QDPR: variants seen among roughly 807,000 people sequenced by gnomAD.
QDPR encodes quinoid dihydropteridine reductase.
In QDPR, 23 loss-of-function variants were observed where a neutral mutation model predicts 31.7. The ratio of observed to expected loss-of-function variants is 0.73; its 90% confidence interval spans 0.52 to 1.03. QDPR has a LOEUF of 1.03. Among genes scored for constraint, QDPR ranks in the 50% least tolerant of loss-of-function variants. The pLI, the probability that QDPR is intolerant of heterozygous loss-of-function variation, is 0.00. For missense variants in QDPR, 324 were observed against 323.8 expected (o/e 1.00, Z 0.00); for synonymous variants, 124 against 124.7 (o/e 0.99, Z 0.03).
At chr4:17,510,742 G>A (rs777585075) in intron 1 of QDPR, among the ~76,000 whole-genome samples, 9 of 152,156 alleles carry the variant, frequency 5.9e-5, no homozygotes, top group Non-Finnish European at 1.2e-4. Flanking sequence ...GATATTGGGG[G>A]CATTAAGAGT....
chr4:17,493,945 G>C (rs1287182823), intron 4 of QDPR, among the ~76,000 whole-genome samples: 1 of 152,124 alleles, frequency 6.6e-6, no homozygotes, highest in Non-Finnish European at 1.5e-5. Flanking sequence ...CGACACACAG[G>C]AATAGAGTAC....
Position 17,492,215 on chromosome 4 carries a change from G to C in QDPR, c.545+17C>G. The C allele has an allele frequency of 6.2e-7, 1 of 1,608,042 alleles. No homozygotes were observed. Among genetic ancestry groups the C allele is most frequent in the Non-Finnish European group, 8.5e-7 (1 of 1,175,200 alleles). On this transcript the variant is annotated intron_variant, in intron 5 of 6. Coordinates refer to ENST00000281243, the MANE Select transcript of QDPR (RefSeq NM_000320.3). ...GGGGCAGAGGTGGGCAGCAGCCAGG[G>C]AACCCCAAGCACTTACGGGAGCACA...
intron 2 of QDPR, among the ~76,000 whole-genome samples, chr4:17,508,231 G>A (rs1718857261): frequency 6.6e-6 from 1 of 152,194 alleles, no homozygotes; most frequent in Non-Finnish European, 1.5e-5. Context: ...GAGGTCAGAA[G>A]TTCGAGACCA....
intron 3 of QDPR, 21 bp from the exon 4 acceptor site, chr4:17,501,880 G>A: frequency 6.2e-7 from 1 of 1,613,864 alleles, no homozygotes; most frequent in Non-Finnish European, 8.5e-7. Flanking sequence ...AAAACATGTG[G>A]GCTCAGCATT....
intron 4 of QDPR, among the ~76,000 whole-genome samples, chr4:17,501,284 A>G (rs1221628965): frequency 6.6e-6 from 1 of 152,120 alleles, no homozygotes; most frequent in Admixed American, 6.5e-5. Context: ...GCCTCCCAAA[A>G]GTGCTGGGAT....
rs372540886 is a variant in QDPR at position 17,492,220 on chromosome 4, C to T, written c.545+12G>A. On this transcript the variant is annotated intron_variant, in intron 5 of 6. Transcript: ENST00000281243. ...AGAGGTGGGCAGCAGCCAGGGAACCCCAAGCACTTACGGGAGCACAGCGAT... is the reference window on the plus strand; with the variant it reads ...AGAGGTGGGCAGCAGCCAGGGAACCTCAAGCACTTACGGGAGCACAGCGAT... The T allele has an allele frequency of 5.1e-4, 819 of 1,611,408 alleles. 1 individual carries two copies. Among genetic ancestry groups the T allele is most frequent in the Non-Finnish European group, 6.6e-4 (773 of 1,178,176 alleles).
intron 4 of QDPR, among the ~76,000 whole-genome samples, chr4:17,495,261 G>C (rs893073180): frequency 6.6e-6 from 1 of 152,168 alleles, no homozygotes; most frequent in Non-Finnish European, 1.5e-5. Flanking sequence ...TGCCTGTAAA[G>C]CCAGAGCCTG....
Position 17,512,011 on chromosome 4 carries a change from A to G in QDPR, c.44T>C (p.Val15Ala), listed in dbSNP as rs750513275. The G allele has an allele frequency of 1.2e-6, 2 of 1,608,106 alleles. No homozygotes were observed. The highest frequency in any genetic ancestry group is 1.1e-5 in the South Asian group (1 of 90,734). The stretch of plus-strand genomic sequence containing the variant: ...ACCCAGAGCGCCCCTGCCGCCGTAC[A>G]CCAGCACCCGGCGCGCCTCGCCTGC... ...AAAGEARRVL[V>A]YGGRGALGSR... Residue 15 changes from valine to alanine, a missense_variant, in exon 1 of 7, where the codon GTG (valine) becomes GCG (alanine). Val to Ala is a moderately conservative substitution (Grantham distance 64). Transcript: ENST00000281243.
At chr4:17,488,743 C>A (rs1161803454) in intron 6 of QDPR, among the ~76,000 whole-genome samples, 1 of 152,212 alleles carries the variant, frequency 6.6e-6, no homozygotes, top group Non-Finnish European at 1.5e-5. Flanking sequence ...CTCCCAGTGC[C>A]AATCTGTAAC....
chr4:17,493,942 C>G (rs565098409), intron 4 of QDPR, among the ~76,000 whole-genome samples: 5 of 152,122 alleles, frequency 3.3e-5, no homozygotes, highest in African/African-American at 7.2e-5. Context: ...TAACGACACA[C>G]AGGAATAGAG....
At chr4:17,507,130 C>A (rs994496292) in intron 2 of QDPR, among the ~76,000 whole-genome samples, 1 of 152,050 alleles carries the variant, frequency 6.6e-6, no homozygotes, top group African/African-American at 2.4e-5. Flanking sequence ...ATTGAGATTA[C>A]CAAGGAAAGT....
At chr4:17,508,916 T>A (rs973379907) in intron 2 of QDPR, among the ~76,000 whole-genome samples, 4 of 152,126 alleles carry the variant, frequency 2.6e-5, no homozygotes, top group Non-Finnish European at 5.9e-5. Flanking sequence ...CCGAGCACTT[T>A]GGGAGGCTAA....
At chr4:17,497,421 C>A (rs984685162) in intron 4 of QDPR, among the ~76,000 whole-genome samples, 2 of 151,422 alleles carry the variant, frequency 1.3e-5, no homozygotes, top group African/African-American at 4.9e-5. Flanking sequence ...TCACCCCCAC[C>A]AAGAGCACTC....
chr4:17,490,152 A>G (rs1043699425), intron 6 of QDPR: 1 of 177,718 alleles, frequency 5.6e-6, no homozygotes, highest in African/African-American at 2.3e-5. Context: ...ATTAAAGGGC[A>G]CTTTCTGTGG....
intron 6 of QDPR, among the ~76,000 whole-genome samples, chr4:17,488,307 A>G (rs1194653056): frequency 6.6e-6 from 1 of 152,200 alleles, no homozygotes; most frequent in African/African-American, 2.4e-5. Context: ...GTTCATTCAA[A>G]GAGAGAGACA....
intron 2 of QDPR, among the ~76,000 whole-genome samples, chr4:17,506,541 G>T (rs886755901): frequency 6.6e-5 from 10 of 152,212 alleles, no homozygotes; most frequent in African/African-American, 2.2e-4. Flanking sequence ...CCAAATAGTG[G>T]CTATGCAACC....
chr4:17,501,281 A>G (rs2108992695), intron 4 of QDPR, among the ~76,000 whole-genome samples: 1 of 152,228 alleles, frequency 6.6e-6, no homozygotes, highest in African/African-American at 2.4e-5. Context: ...TCAGCCTCCC[A>G]AAAGTGCTGG....
chr4:17,489,448 C>A (rs10939724), intron 6 of QDPR, among the ~76,000 whole-genome samples: 5,366 of 152,220 alleles, frequency 0.035, 128 homozygotes, highest in East Asian at 0.059. Context: ...GCTTGATTTC[C>A]TCTACAACTT....
chr4:17,491,641 G>A (rs1374307236), intron 5 of QDPR, among the ~76,000 whole-genome samples: 2 of 151,890 alleles, frequency 1.3e-5, no homozygotes, highest in African/African-American at 4.8e-5. Flanking sequence ...AGAAATGAAG[G>A]GAGAAAAGAA....
Sources: gnomAD v4.1 joint callset for allele counts (sites outside exome capture counted in the v4.1 genomes callset) on GRCh38, gnomAD v4.1.1 for gene constraint, MANE v1.5 for transcripts, NCBI Gene and HGNC (gene_info 2026-07-23, HGNC 2026-07-21) for gene names.